Variants in CFAP44 observed in about 807,000 individuals in gnomAD.
CFAP44 encodes cilia and flagella associated protein 44.
In CFAP44, 134 loss-of-function variants were observed where a neutral mutation model predicts 216.2. The observed-to-expected ratio is 0.62, with a 90% CI of 0.54 to 0.72. CFAP44 has a LOEUF of 0.72. Among genes scored for constraint, CFAP44 ranks in the 30% least tolerant of loss-of-function variants. The probability of loss-of-function intolerance (pLI) is 0.00; values close to 1 mark genes in which losing one functional copy is unlikely to be tolerated. For missense variants in CFAP44, 2,035 were observed against 2,182.1 expected (o/e 0.93, Z 1.34); for synonymous variants, 700 against 727.6 (o/e 0.96, Z 0.61).
chr3:113,298,145 T>C (rs917542124), intron 32 of CFAP44, among the ~76,000 whole-genome samples: 1 of 152,244 alleles, frequency 6.6e-6, no homozygotes, highest in Non-Finnish European at 1.5e-5. Context: ...TACAAGGGGT[T>C]GCCCTCTTGC....
chr3:113,330,622 C>T lies in CFAP44; in HGVS notation c.3662G>A (p.Arg1221Lys). 1 of 1,536,444 alleles carries T rather than the reference C, an allele frequency of 6.5e-7. No individual in the cohort carries two copies. Among genetic ancestry groups the T allele is most frequent in the Non-Finnish European group, 8.7e-7 (1 of 1,146,718 alleles). Residue 1221 changes from arginine (R) to lysine (K), a missense_variant, in exon 26 of 35, where the codon AGA becomes AAA. Transcript: ENST00000393845. Reference sequence around the variant, plus strand: ...CTCAACAACAGCCACTTTAAGGTCTCTAAGAGAGAGAATGCACTTGTTCAT... The same window carrying T: ...CTCAACAACAGCCACTTTAAGGTCTTTAAGAGAGAGAATGCACTTGTTCAT... ...RHMNKCILSL[R>K]DLKVAVVEEI...
intron 28 of CFAP44, among the ~76,000 whole-genome samples, chr3:113,319,732 T>C (rs966119055): frequency 1.3e-5 from 2 of 152,110 alleles, no homozygotes; most frequent in Non-Finnish European, 2.9e-5. Flanking sequence ...AAGAACTTAA[T>C]GAAGTTGAGA....
intron 23 of CFAP44, among the ~76,000 whole-genome samples, chr3:113,343,819 A>C (rs1950357165): frequency 6.6e-6 from 1 of 152,238 alleles, no homozygotes. Flanking sequence ...AGGAGACATT[A>C]AAGAGTTCCC....
At chr3:113,360,928 A>G in intron 21 of CFAP44, 1 of 210,478 alleles carries the variant, frequency 4.8e-6, no homozygotes, top group Non-Finnish European at 9.7e-6. Flanking sequence ...TACTAATATA[A>G]AAAAAAAAAA....
chr3:113,431,325 T>G (rs1334088713), intron 2 of CFAP44, among the ~76,000 whole-genome samples: 2 of 152,112 alleles, frequency 1.3e-5, no homozygotes, highest in African/African-American at 2.4e-5. Flanking sequence ...CAGGTCACAC[T>G]TGAAAAGGTC....
At chr3:113,320,454 ACATC>A (rs1226015287) in intron 28 of CFAP44, among the ~76,000 whole-genome samples, 1 of 112,508 alleles carries the variant, frequency 8.9e-6, no homozygotes, top group African/African-American at 3.2e-5. Flanking sequence ...GATATATATT[ACATC>A]TATATATCAT....
intron 34 of CFAP44, 34 bp downstream of exon 34, chr3:113,294,653 A>AT (rs1949863629): frequency 6.7e-7 from 1 of 1,489,762 alleles, no homozygotes; most frequent in Non-Finnish European, 8.9e-7. Flanking sequence ...AGCTTCCTCA[A>AT]TTCCGAAAAA....
intron 24 of CFAP44, among the ~76,000 whole-genome samples, chr3:113,338,255 CAAAAAAAAAAAAA>C (rs10574877): frequency 2.3e-5 from 1 of 43,018 alleles, no homozygotes; most frequent in African/African-American, 1.1e-4. Context: ...GACAATGTCT[CAAAAAAAAAAAAA>C]AAAAAAAAAA....
chr3:113,368,523 T>C (rs1009331399), intron 18 of CFAP44, among the ~76,000 whole-genome samples: 6 of 152,164 alleles, frequency 3.9e-5, no homozygotes, highest in South Asian at 2.1e-4. Context: ...TAAAATACTT[T>C]ACAGACAAGC....
chr3:113,419,589 A>ATCTATG (rs1934752495), intron 5 of CFAP44, among the ~76,000 whole-genome samples: 1 of 152,212 alleles, frequency 6.6e-6, no homozygotes, highest in South Asian at 2.1e-4. Flanking sequence ...TCCTGTTTCC[A>ATCTATG]TAGTCAATCT....
chr3:113,404,630 T>C (rs1464281233), intron 8 of CFAP44, among the ~76,000 whole-genome samples: 2 of 152,206 alleles, frequency 1.3e-5, no homozygotes, highest in Non-Finnish European at 2.9e-5. Flanking sequence ...AGTTATTTAA[T>C]GCAAAAAACC....
intron 24 of CFAP44, among the ~76,000 whole-genome samples, chr3:113,334,922 G>A (rs568275898): frequency 2.6e-5 from 4 of 152,246 alleles, no homozygotes; most frequent in East Asian, 3.9e-4. Context: ...CAACATGAGC[G>A]TGTACACATA....
intron 21 of CFAP44, among the ~76,000 whole-genome samples, chr3:113,361,881 C>T (rs1321535232): frequency 6.6e-6 from 1 of 151,664 alleles, no homozygotes; most frequent in Admixed American, 6.6e-5. Context: ...AAAACAAACA[C>T]CAATTTTATT....
chr3:113,292,248 T>G lies in CFAP44; in HGVS notation c.5374-500A>C, dbSNP rs139405247. 1.1e-4 allele frequency among the ~76,000 whole-genome samples: 16 copies of G among 152,310 alleles called. No homozygotes were observed. The East Asian group carries it at 2.9e-3, about 28-fold the overall frequency. ...CATCCATTATACATATACATCACTA[T>G]AATTTACAGAATATTACATGGTTCA... On this transcript the variant is annotated intron_variant, in intron 34 of 34. Transcript: ENST00000393845.
At chr3:113,296,124 G>A (rs1390837279) in intron 33 of CFAP44, among the ~76,000 whole-genome samples, 2 of 152,052 alleles carry the variant, frequency 1.3e-5, no homozygotes. Flanking sequence ...CCATTGTTTA[G>A]CTCCCACTTA....
intron 22 of CFAP44, among the ~76,000 whole-genome samples, chr3:113,346,020 TGAG>T (rs1950378241): frequency 6.6e-6 from 1 of 152,196 alleles, no homozygotes; most frequent in Non-Finnish European, 1.5e-5. Flanking sequence ...AGATTAACAT[TGAG>T]AAGTGAACCC....
chr3:113,361,689 AG>A (rs1409095482), intron 21 of CFAP44, among the ~76,000 whole-genome samples: 1 of 151,760 alleles, frequency 6.6e-6, no homozygotes, highest in Non-Finnish European at 1.5e-5. Context: ...TAGTGGAGAC[AG>A]GGTTTCACCA....
intron 2 of CFAP44, chr3:113,428,844 A>G (rs1935030459): frequency 6.6e-6 from 1 of 152,130 alleles, no homozygotes; most frequent in African/African-American, 2.4e-5. Flanking sequence ...TGTATGACCC[A>G]CAATTTTATA....
At chr3:113,414,788 C>T (rs1052681693) in intron 6 of CFAP44, among the ~76,000 whole-genome samples, 2 of 152,042 alleles carry the variant, frequency 1.3e-5, no homozygotes, top group African/African-American at 2.4e-5. Flanking sequence ...ATTTTTGCAT[C>T]GATGTTCATC....
Sources: gnomAD v4.1 joint callset for allele counts (sites outside exome capture counted in the v4.1 genomes callset) on GRCh38, gnomAD v4.1.1 for gene constraint, MANE v1.5 for transcripts, NCBI Gene and HGNC (gene_info 2026-07-23, HGNC 2026-07-21) for gene names.